FUT8: variants seen among roughly 807,000 people sequenced by gnomAD.
FUT8 encodes the protein fucosyltransferase 8.
FUT8 carries 29 observed loss-of-function variants against 71.3 expected under a neutral mutation model. The observed-to-expected ratio is 0.41, with a 90% CI of 0.30 to 0.55. FUT8 has a LOEUF of 0.55. FUT8 is among the 20% of genes least tolerant of loss of function. The probability of loss-of-function intolerance (pLI) is 0.34; values close to 1 mark genes in which losing one functional copy is unlikely to be tolerated. For missense variants in FUT8, 544 were observed against 702.1 expected (o/e 0.77, Z 2.55); for synonymous variants, 254 against 239.3 (o/e 1.06, Z -0.57).
chr14:65,436,017 C>T (rs191913370), intron 1 of FUT8, among the ~76,000 whole-genome samples: 18 of 150,160 alleles, frequency 1.2e-4, no homozygotes, highest in South Asian at 6.3e-4. Flanking sequence ...TAGCCTCAGA[C>T]GACTCTGAAC....
At chr14:65,385,360 G>A in the FUT8 span, among the ~76,000 whole-genome samples, 2 of 574 alleles carry the variant, frequency 3.5e-3, no homozygotes, top group African/African-American at 0.015. Context: ...TAAAAATGAA[G>A]TCACAGTAAA....
intron 3 of FUT8, among the ~76,000 whole-genome samples, chr14:65,591,858 T>C (rs1210116360): frequency 6.7e-6 from 1 of 148,646 alleles, no homozygotes; most frequent in African/African-American, 2.5e-5. Flanking sequence ...TTTTTTTTGG[T>C]GTATGTCATA....
chr14:65,366,108 AC>A, the FUT8 span, among the ~76,000 whole-genome samples: 1 of 152,172 alleles, frequency 6.6e-6, no homozygotes, highest in African/African-American at 2.4e-5. Context: ...TGGATCCAGA[AC>A]CCTTTCCTGT....
intron 3 of FUT8, among the ~76,000 whole-genome samples, chr14:65,610,778 T>C (rs1888845564): frequency 6.6e-6 from 1 of 151,956 alleles, no homozygotes; most frequent in African/African-American, 2.4e-5. Flanking sequence ...TGTAAAATTT[T>C]GTTTAAAAAA....
In FUT8 at chr14:65,611,295, ACACACACC is replaced by A. The variant is rs1566851563; in HGVS notation, c.204-4681_204-4674del. Among the ~76,000 whole-genome samples the A allele has an allele frequency of 3.4e-3, 160 of 47,358 alleles. 28 individuals carry two copies. The highest frequency in any genetic ancestry group is 0.014 in the African/African-American group (126 of 8,936). 31.1% of individuals were successfully genotyped at this position (47,358 alleles called of 152,430 possible). Reference sequence around the variant, plus strand: ...CACACACACACACACACACACACACACACACACCCCCCAAGTAATAGCCTTGATTTTGC... The same window carrying A: ...CACACACACACACACACACACACACACCCCAAGTAATAGCCTTGATTTTGC... On this transcript the variant is annotated intron_variant, in intron 3 of 10. Coordinates refer to ENST00000673929, the MANE Select transcript of FUT8 (RefSeq NM_001371533.1).
chr14:65,713,927 C>G (rs535277611), intron 7 of FUT8, among the ~76,000 whole-genome samples: 1 of 152,244 alleles, frequency 6.6e-6, no homozygotes, highest in South Asian at 2.1e-4. Context: ...TGTGGTATTA[C>G]TCAAGAAATC....
intron 8 of FUT8, among the ~76,000 whole-genome samples, chr14:65,723,399 T>G (rs947555871): frequency 3.9e-5 from 6 of 152,140 alleles, no homozygotes; most frequent in Non-Finnish European, 8.8e-5. Context: ...AGTGCCTTAT[T>G]CAGTACAGGG....
At chr14:65,484,673 C>CA (rs1566777770) in intron 2 of FUT8, among the ~76,000 whole-genome samples, 1 of 151,168 alleles carries the variant, frequency 6.6e-6, no homozygotes, top group African/African-American at 2.4e-5. Context: ...GGCCCTGTCT[C>CA]AAAAAAATAA....
chr14:65,417,723 T>C (rs1214321902), intron 1 of FUT8, among the ~76,000 whole-genome samples: 6 of 152,234 alleles, frequency 3.9e-5, no homozygotes, highest in African/African-American at 1.4e-4. Context: ...TAACAAATTA[T>C]ACCAATATAA....
intron 6 of FUT8, among the ~76,000 whole-genome samples, chr14:65,634,561 T>TAA (rs35052434): frequency 0.013 from 1,553 of 123,954 alleles, 24 homozygotes; most frequent in Non-Finnish European, 0.017. Context: ...AATGATCAAT[T>TAA]AAAAAAAAAA....
chr14:65,500,153 G>A (rs1010081183), intron 2 of FUT8, among the ~76,000 whole-genome samples: 1 of 152,166 alleles, frequency 6.6e-6, no homozygotes, highest in Admixed American at 6.5e-5. Context: ...GCTCCTGTTG[G>A]TAATCTGGAT....
chr14:65,399,960 T>C, the FUT8 span, among the ~76,000 whole-genome samples: 1 of 152,232 alleles, frequency 6.6e-6, no homozygotes. Flanking sequence ...AACTGTTCAT[T>C]GAACATTTCC....
chr14:65,511,145 C>T (rs1339787851), intron 2 of FUT8, among the ~76,000 whole-genome samples: 1 of 151,958 alleles, frequency 6.6e-6, no homozygotes, highest in African/African-American at 2.4e-5. Flanking sequence ...CAATTTTCTT[C>T]TTAATTTCTT....
chr14:65,511,084 A>G (rs1882308828), intron 2 of FUT8, among the ~76,000 whole-genome samples: 1 of 151,892 alleles, frequency 6.6e-6, no homozygotes, highest in African/African-American at 2.4e-5. Context: ...GCTGTATTCC[A>G]TAGGTTTTGG....
At chr14:65,712,899 T>C (rs1054523760) in intron 7 of FUT8, among the ~76,000 whole-genome samples, 2 of 152,226 alleles carry the variant, frequency 1.3e-5, no homozygotes, top group Non-Finnish European at 2.9e-5. Context: ...ATTTATCCTT[T>C]ATGTTACAAA....
At chr14:65,679,634 A>G (rs1252676052) in intron 7 of FUT8, among the ~76,000 whole-genome samples, 1 of 152,238 alleles carries the variant, frequency 6.6e-6, no homozygotes, top group African/African-American at 2.4e-5. Flanking sequence ...CATTATAAAC[A>G]GTGACATAGT....
the FUT8 span, among the ~76,000 whole-genome samples, chr14:65,405,212 C>G: frequency 6.6e-6 from 1 of 152,186 alleles, no homozygotes; most frequent in African/African-American, 2.4e-5. Flanking sequence ...AATGTAAGCA[C>G]TGCACAATAT....
chr14:65,565,891 GA>G, intron 3 of FUT8, among the ~76,000 whole-genome samples: 1 of 151,154 alleles, frequency 6.6e-6, no homozygotes, highest in African/African-American at 2.4e-5. Context: ...TAAGTTCTTT[GA>G]AAAAATTATT....
the FUT8 span, among the ~76,000 whole-genome samples, chr14:65,364,632 A>G: frequency 6.6e-6 from 1 of 152,168 alleles, no homozygotes. Context: ...ACTTTTAGGT[A>G]TTTGCTTGAA....
Sources: gnomAD v4.1 joint callset for allele counts (sites outside exome capture counted in the v4.1 genomes callset) on GRCh38, gnomAD v4.1.1 for gene constraint, MANE v1.5 for transcripts, NCBI Gene and HGNC (gene_info 2026-07-23, HGNC 2026-07-21) for gene names.